Variants in NCOA2 observed in about 807,000 individuals in gnomAD.
The protein encoded by NCOA2 is nuclear receptor coactivator 2.
NCOA2 carries 21 observed loss-of-function variants against 145.1 expected under a neutral mutation model. The ratio of observed to expected loss-of-function variants is 0.14; its 90% CI spans 0.10 to 0.21. The LOEUF (loss-of-function observed/expected upper bound fraction) is 0.21, where lower values mean the gene tolerates loss of function less well. Among genes scored for constraint, NCOA2 ranks in the 10% least tolerant of loss-of-function variants. The pLI is 1.00. For missense variants in NCOA2, 1,472 were observed against 1,837.6 expected, an observed-to-expected ratio of 0.80 and a Z score of 3.64; for synonymous variants, 619 against 637.5, an observed-to-expected ratio of 0.97 and a Z score of 0.44.
At chr8:70,140,593 G>GTGTT (rs1810284981) in intron 14 of NCOA2, among the ~76,000 whole-genome samples, 2 of 79,784 alleles carry the variant, frequency 2.5e-5, no homozygotes, top group African/African-American at 1.1e-4. Flanking sequence ...TACCACCTAA[G>GTGTT]TTTTTTTTTT....
rs182129371 is a variant in NCOA2 at position 70,166,291 on chromosome 8, G to C, written c.730+275C>G. 3.0e-4 allele frequency among the ~76,000 whole-genome samples: 46 copies of C among 152,280 alleles called. 1 individual carries two copies. The highest frequency in any genetic ancestry group is 2.9e-3 in the Admixed American group (44 of 15,308). On this transcript the variant is annotated intron_variant, in intron 7 of 22. Coordinates refer to ENST00000452400, the MANE Select transcript of NCOA2 (RefSeq NM_006540.4). ...TAAAAATTAAAACTCCCGCCCCCTA[G>C]CTGCACTACTGACATTTCAAGGCTC... is the stretch of plus-strand genomic sequence containing the variant.
intron 4 of NCOA2, among the ~76,000 whole-genome samples, chr8:70,178,341 G>A (rs1476406137): frequency 6.6e-6 from 1 of 152,168 alleles, no homozygotes. Flanking sequence ...AACAACTGGA[G>A]GAAAGCCTGG....
At chr8:70,404,045 G>A (rs1814638169), upstream of NCOA2, among the ~76,000 whole-genome samples, 1 of 152,210 alleles carries the variant, frequency 6.6e-6, no homozygotes, top group East Asian at 1.9e-4. Context: ...CCCCGAGGAA[G>A]GGGCAAAGGT....
chr8:70,159,222 T>A (rs1177698275), intron 10 of NCOA2, among the ~76,000 whole-genome samples: 3 of 44,482 alleles, frequency 6.7e-5, no homozygotes, highest in Admixed American at 6.2e-4. Context: ...CAGTATAACA[T>A]TATATATATA....
intron 1 of NCOA2, among the ~76,000 whole-genome samples, chr8:70,385,765 T>A (rs991311358): frequency 6.6e-6 from 1 of 152,164 alleles, no homozygotes; most frequent in Admixed American, 6.5e-5. Context: ...CATATTCCAA[T>A]AGAATGTTCC....
chr8:70,393,746 C>G (rs1268789614), intron 1 of NCOA2, among the ~76,000 whole-genome samples: 1 of 152,192 alleles, frequency 6.6e-6, no homozygotes, highest in African/African-American at 2.4e-5. Flanking sequence ...GTTCTCTTCT[C>G]CGCTAAATGT....
At position 70,166,623 on chromosome 8, in the gene NCOA2, C is replaced by T. The variant is rs761976382; in HGVS notation, c.673G>A (p.Glu225Lys). The change falls in exon 7 of 23, where the codon GAA becomes AAA. Residue 225 changes from glutamate (E) to lysine (K), a missense_variant. Transcript: ENST00000452400. ...HDNQEAHQKY[E>K]TMQCFAVSQP... ...GAGACAGCGAAGCACTGCATAGTTTCATATTTCTGATGAGCTTCCTGGTTA... is the reference window on the plus strand; with the variant it reads ...GAGACAGCGAAGCACTGCATAGTTTTATATTTCTGATGAGCTTCCTGGTTA... The T allele has an allele frequency of 2.5e-6, 4 of 1,613,868 alleles. No homozygotes were observed. The highest frequency in any genetic ancestry group is 3.4e-6 in the Non-Finnish European group (4 of 1,179,884).
chr8:70,215,444 G>A (rs1393417106), intron 3 of NCOA2, among the ~76,000 whole-genome samples: 1 of 152,178 alleles, frequency 6.6e-6, no homozygotes, highest in Non-Finnish European at 1.5e-5. Context: ...ACAGAAGTTT[G>A]TGGTTTACCA....
At chr8:70,262,260 C>G (rs1304526053) in intron 2 of NCOA2, among the ~76,000 whole-genome samples, 1 of 152,174 alleles carries the variant, frequency 6.6e-6, no homozygotes, top group Non-Finnish European at 1.5e-5. Context: ...ACTGTCAGAG[C>G]TTGATTTCAA....
At chr8:70,160,204 A>G (rs1285135977) in intron 9 of NCOA2, among the ~76,000 whole-genome samples, 2 of 152,204 alleles carry the variant, frequency 1.3e-5, no homozygotes, top group African/African-American at 4.8e-5. Flanking sequence ...AAGAAGTATT[A>G]TTTATGTGGT....
In NCOA2 at chr8:70,311,120, G is replaced by T. The variant is rs116658579; in HGVS notation, c.-76-14320C>A. ...TGACTGATAATACATTTATTTCCTA[G>T]TTTTTTTTTAAGTGTGTCCAAGAAA... On this transcript the variant is annotated intron_variant, in intron 1 of 22. Transcript: ENST00000452400. Among the ~76,000 whole-genome samples, 1,421 of 150,254 alleles carry T rather than the reference G, an allele frequency of 9.5e-3. 21 individuals are homozygous for T. The highest frequency in any genetic ancestry group is 0.032 in the African/African-American group (1,307 of 40,910).
rs542578414 is a variant in NCOA2 at position 70,343,184 on chromosome 8, C to T, written c.-76-46384G>A. 4.6e-5 allele frequency among the ~76,000 whole-genome samples: 7 copies of T among 152,192 alleles called. No homozygotes were observed. In the South Asian group the frequency reaches 8.3e-4, roughly 18 times the overall value. On this transcript the variant is annotated intron_variant, in intron 1 of 22. Transcript: ENST00000452400. The stretch of plus-strand genomic sequence containing the variant: ...GTCAATAGTAGAACTGAAGTTTATT[C>T]GAAGCCTTGGATCAAATATCCCTTT...
At chr8:70,326,724 C>T (rs2136236611) in intron 1 of NCOA2, among the ~76,000 whole-genome samples, 1 of 152,252 alleles carries the variant, frequency 6.6e-6, no homozygotes, top group East Asian at 1.9e-4. Context: ...CAGATTCACT[C>T]CTAGACATAC....
rs1806431173 is a variant in NCOA2, at chr8:70,110,277, T to C, written c.*3355A>G. The C allele has an allele frequency of 5.0e-6, 1 of 198,124 alleles. No individual in the cohort carries two copies. The highest frequency in any genetic ancestry group is 2.3e-5 in the African/African-American group (1 of 43,454). 12.3% of individuals were successfully genotyped at this position (198,124 alleles called of 1,614,324 possible). On this transcript the variant is annotated 3_prime_UTR_variant, in exon 23 of 23. Coordinates refer to ENST00000452400, the MANE Select transcript of NCOA2 (RefSeq NM_006540.4). ...TATTCAAAAATTGTACACAATTCAC[T>C]ATACAAATATAATACATCGGACAGC...
chr8:70,246,003 T>C (rs1331732171), intron 2 of NCOA2, among the ~76,000 whole-genome samples: 1 of 152,150 alleles, frequency 6.6e-6, no homozygotes, highest in African/African-American at 2.4e-5. Flanking sequence ...AAGTAATTTA[T>C]AATTTGTCCC....
rs765942650 is a variant in NCOA2 at position 70,163,604 on chromosome 8, TTTC to T, written c.731-41_731-39del. On this transcript the variant is annotated intron_variant, in intron 7 of 22. Transcript: ENST00000452400. ...ATGTTTACATTTATCATATTGGGCT[TTTC>T]TAGTGATTCAAACAAACCCAAGTGT... The T allele has an allele frequency of 2.3e-3, 3,416 of 1,517,488 alleles. 78 individuals are homozygous for T. The African/African-American group carries it at 0.042, about 18-fold the overall frequency. The allele number at this position is 1,517,488 out of a possible 1,614,324, so 94.0% of individuals were successfully genotyped here. A position where few individuals can be genotyped will look rare whatever the true frequency, so the allele number is the denominator to read the frequency against.
intron 4 of NCOA2, among the ~76,000 whole-genome samples, chr8:70,190,532 G>T (rs1355935778): frequency 6.6e-6 from 1 of 152,142 alleles, no homozygotes; most frequent in Non-Finnish European, 1.5e-5. Flanking sequence ...CTCTTCAGAC[G>T]AATTACTATA....
intron 22 of NCOA2, among the ~76,000 whole-genome samples, chr8:70,119,639 G>A (rs139179510): frequency 6.6e-6 from 1 of 152,216 alleles, no homozygotes; most frequent in East Asian, 1.9e-4. Flanking sequence ...TCTCCATACT[G>A]GCTCTACTAG....
At chr8:70,124,620 C>T in intron 20 of NCOA2, 68 bp downstream of exon 20, 1 of 1,437,262 alleles carries the variant, frequency 7.0e-7, no homozygotes, top group East Asian at 2.4e-5. Context: ...CGGGTGCAGG[C>T]ATGAAGGTGG....
Sources: allele counts gnomAD v4.1 joint callset (sites outside exome capture counted in the v4.1 genomes callset), GRCh38; gene constraint gnomAD v4.1.1; transcripts MANE v1.5; gene names NCBI Gene and HGNC (gene_info 2026-07-23, HGNC 2026-07-21).